Variants in TBC1D32 observed in about 807,000 individuals in gnomAD.
The protein encoded by TBC1D32 is protein broad-minded.
In TBC1D32, 151 loss-of-function variants were observed where a neutral mutation model predicts 170.3. The ratio of observed to expected loss-of-function variants is 0.89; its 90% CI spans 0.78 to 1.01. TBC1D32 has a LOEUF of 1.01. Among genes scored for constraint, TBC1D32 ranks in the 50% least tolerant of loss-of-function variants. TBC1D32 has a pLI of 0.00. For missense variants in TBC1D32, 1,464 were observed against 1,457.1 expected (o/e 1.00, Z -0.08); for synonymous variants, 498 against 488.0 (o/e 1.02, Z -0.27).
At chr6:121,127,694 T>C (rs1417083767) in intron 25 of TBC1D32, among the ~76,000 whole-genome samples, 1 of 152,122 alleles carries the variant, frequency 6.6e-6, no homozygotes, top group East Asian at 1.9e-4. Flanking sequence ...CTCGAGATTA[T>C]AAATTTTACA....
intron 22 of TBC1D32, chr6:121,170,324 A>C: frequency 7.5e-7 from 1 of 1,336,032 alleles, no homozygotes; most frequent in Non-Finnish European, 9.9e-7. Flanking sequence ...AACATTAAAC[A>C]AGCTATATCA....
At chr6:121,101,007 G>A (rs971191543) in intron 30 of TBC1D32, among the ~76,000 whole-genome samples, 1 of 151,914 alleles carries the variant, frequency 6.6e-6, no homozygotes, top group Admixed American at 6.6e-5. Flanking sequence ...TAAATTCCTG[G>A]ACACATACAC....
intron 10 of TBC1D32, among the ~76,000 whole-genome samples, chr6:121,295,267 C>T (rs920616625): frequency 1.4e-5 from 2 of 138,810 alleles, no homozygotes; most frequent in Non-Finnish European, 3.1e-5. Context: ...GCCTACCCAT[C>T]GATGGCCTCT....
chr6:121,264,151 T>C (rs1162357371), intron 15 of TBC1D32, among the ~76,000 whole-genome samples: 1 of 151,664 alleles, frequency 6.6e-6, no homozygotes, highest in Non-Finnish European at 1.5e-5. Context: ...CCAGGAGCTG[T>C]TTTCTTGAAA....
chr6:121,227,330 T>A (rs1426491257), intron 20 of TBC1D32, among the ~76,000 whole-genome samples: 3 of 152,174 alleles, frequency 2.0e-5, no homozygotes, highest in African/African-American at 7.2e-5. Context: ...TAGTTTTACA[T>A]CTTTTTTTCC....
chr6:121,208,926 A>T (rs929924913), intron 21 of TBC1D32, among the ~76,000 whole-genome samples: 14 of 152,054 alleles, frequency 9.2e-5, no homozygotes, highest in Non-Finnish European at 2.1e-4. Flanking sequence ...AATTAATAAA[A>T]GGGGAGAGGG....
intron 15 of TBC1D32, among the ~76,000 whole-genome samples, chr6:121,264,780 T>C (rs530540834): frequency 6.6e-6 from 1 of 152,150 alleles, no homozygotes; most frequent in African/African-American, 2.4e-5. Context: ...TCAATAAACA[T>C]AATTCATCAC....
At chr6:121,101,561 T>C (rs1170207647) in intron 30 of TBC1D32, among the ~76,000 whole-genome samples, 1 of 152,120 alleles carries the variant, frequency 6.6e-6, no homozygotes, top group Non-Finnish European at 1.5e-5. Flanking sequence ...AAACTCTCAA[T>C]AAATTAGGTA....
intron 4 of TBC1D32, among the ~76,000 whole-genome samples, chr6:121,309,711 C>T (rs140961676): frequency 1.3e-5 from 2 of 152,168 alleles, no homozygotes; most frequent in East Asian, 3.9e-4. Flanking sequence ...TATAAACAGA[C>T]ACAATTCAAT....
chr6:121,144,571 C>T (rs1477960175), intron 24 of TBC1D32, among the ~76,000 whole-genome samples: 2 of 151,814 alleles, frequency 1.3e-5, no homozygotes, highest in Non-Finnish European at 2.9e-5. Flanking sequence ...GGAAAAAATG[C>T]CAAAGGAACA....
intron 31 of TBC1D32, among the ~76,000 whole-genome samples, chr6:121,082,543 A>G (rs1427224815): frequency 6.6e-6 from 1 of 151,978 alleles, no homozygotes; most frequent in African/African-American, 2.4e-5. Flanking sequence ...CCAATGGCAG[A>G]AGAACTGTTT....
chr6:121,267,866 A>G (rs9401386), intron 15 of TBC1D32, among the ~76,000 whole-genome samples: 150,461 of 152,194 alleles, frequency 0.99, 74,414 homozygotes, highest in East Asian at 1. Flanking sequence ...AGTAGGGGCC[A>G]ATGGACACCT....
intron 21 of TBC1D32, among the ~76,000 whole-genome samples, chr6:121,217,573 T>C (rs1002803946): frequency 1.3e-5 from 2 of 152,092 alleles, no homozygotes; most frequent in African/African-American, 2.4e-5. Flanking sequence ...TGTTCTCAGG[T>C]ATAAGTGGGA....
At chr6:121,310,087 T>C (rs1221025368) in intron 4 of TBC1D32, among the ~76,000 whole-genome samples, 1 of 151,766 alleles carries the variant, frequency 6.6e-6, no homozygotes, top group East Asian at 1.9e-4. Context: ...GGGTCAAAAT[T>C]GCTCAGATAG....
chr6:121,218,794 T>C (rs920698011), intron 21 of TBC1D32, among the ~76,000 whole-genome samples: 1 of 152,136 alleles, frequency 6.6e-6, no homozygotes, highest in African/African-American at 2.4e-5. Flanking sequence ...ACCCCCATGC[T>C]GTTTTCATGA....
chr6:121,198,682 C>T (rs960514493), intron 22 of TBC1D32, among the ~76,000 whole-genome samples: 1 of 150,718 alleles, frequency 6.6e-6, no homozygotes, highest in Non-Finnish European at 1.5e-5. Context: ...ACCCGGGAGG[C>T]GGAGCTTGCA....
chr6:121,191,280 T>C (rs1789978845), intron 22 of TBC1D32, among the ~76,000 whole-genome samples: 1 of 152,344 alleles, frequency 6.6e-6, no homozygotes, highest in East Asian at 1.9e-4. Flanking sequence ...TTCCTTCTGA[T>C]TGGCACACAC....
chr6:121,229,380 G>T (rs778648654), intron 20 of TBC1D32, among the ~76,000 whole-genome samples: 2 of 151,962 alleles, frequency 1.3e-5, no homozygotes, highest in African/African-American at 4.8e-5. Flanking sequence ...CATTTCATCT[G>T]TTGACAAGCT....
At chr6:121,117,258 G>A (rs183751307) in intron 26 of TBC1D32, among the ~76,000 whole-genome samples, 5 of 152,148 alleles carry the variant, frequency 3.3e-5, no homozygotes, top group East Asian at 1.9e-4. Context: ...AACAAACATC[G>A]AACATCCATT....
Sources: gnomAD v4.1 joint callset for allele counts (sites outside exome capture counted in the v4.1 genomes callset) on GRCh38, gnomAD v4.1.1 for gene constraint, MANE v1.5 for transcripts, NCBI Gene and HGNC (gene_info 2026-07-23, HGNC 2026-07-21) for gene names.